TRPM7: variants seen among roughly 807,000 people sequenced by gnomAD.
TRPM7 encodes the protein transient receptor potential cation channel subfamily M member 7.
TRPM7 carries 134 observed loss-of-function variants against 229.7 expected under a neutral mutation model. The observed-to-expected ratio is 0.58, with a 90% CI of 0.51 to 0.67. The LOEUF is 0.67. Among genes scored for constraint, TRPM7 ranks in the 30% least tolerant of loss-of-function variants. The pLI is 0.00. For missense variants in TRPM7, 1,901 were observed against 2,210.0 expected (o/e 0.86, Z 2.80); for synonymous variants, 699 against 715.2 (o/e 0.98, Z 0.36).
chr15:50,649,272 A>G (rs2061351409), intron 3 of TRPM7, among the ~76,000 whole-genome samples: 1 of 152,078 alleles, frequency 6.6e-6, no homozygotes. Context: ...CCCTGACTTG[A>G]CAAAAAATTT....
At chr15:50,619,446 T>G (rs2060325593) in intron 13 of TRPM7, among the ~76,000 whole-genome samples, 1 of 147,916 alleles carries the variant, frequency 6.8e-6, no homozygotes, top group Non-Finnish European at 1.5e-5. Context: ...GGTCTTGAAC[T>G]CCTGGGCTCA....
chr15:50,585,058 T>A (rs1235774975), intron 28 of TRPM7, among the ~76,000 whole-genome samples: 1 of 140,448 alleles, frequency 7.1e-6, no homozygotes, highest in South Asian at 2.3e-4. Context: ...GTATTTTTTT[T>A]TTTTTTTTTT....
At position 50,592,540 on chromosome 15, in the gene TRPM7, A is replaced by G. The variant is rs2059532438; in HGVS notation, c.3695T>C (p.Ile1232Thr). ...GGCTGAAAGATCTTGCAAATGGCCA[A>G]TTTGAGAATCTAATGATTGTAATGA... is the stretch of plus-strand genomic sequence containing the variant. Reference protein sequence around the residue: ...KRSLQSLDSQIGHLQDLSALT... With the variant: ...KRSLQSLDSQTGHLQDLSALT... The change falls in exon 26 of 39, where the codon ATT becomes ACT. Residue 1232 changes from isoleucine to threonine, a missense_variant. Around this residue, in one of 8 missense-constraint regions of TRPM7, gnomAD observed 533 missense variants for 497.1 expected, o/e 1.07. Transcript: ENST00000646667. 4 of 1,613,080 alleles carry G rather than the reference A, an allele frequency of 2.5e-6. No individual in the cohort carries two copies. In the Admixed American group the frequency reaches 5.0e-5, roughly 20 times the overall value.
chr15:50,568,438 C>T (rs1191299179), intron 38 of TRPM7, among the ~76,000 whole-genome samples: 2 of 151,966 alleles, frequency 1.3e-5, no homozygotes, highest in South Asian at 2.1e-4. Flanking sequence ...GGGACATATG[C>T]TCAAAAAAAT....
At chr15:50,674,923 G>T (rs545081493) in intron 1 of TRPM7, among the ~76,000 whole-genome samples, 1 of 152,124 alleles carries the variant, frequency 6.6e-6, no homozygotes, top group East Asian at 1.9e-4. Flanking sequence ...TTTCTCATTG[G>T]CAAATCCACC....
chr15:50,630,047 A>C (rs1240486756), intron 10 of TRPM7, among the ~76,000 whole-genome samples: 4 of 151,910 alleles, frequency 2.6e-5, no homozygotes, highest in African/African-American at 9.7e-5. Flanking sequence ...TTGTTAGTAG[A>C]GACGAGGTTT....
intron 2 of TRPM7, among the ~76,000 whole-genome samples, chr15:50,661,243 G>C (rs1300437779): frequency 6.6e-6 from 1 of 152,044 alleles, no homozygotes; most frequent in African/African-American, 2.4e-5. Context: ...CCAAAGTGCT[G>C]GGATTACAGG....
intron 22 of TRPM7, among the ~76,000 whole-genome samples, chr15:50,597,193 CT>C (rs1304513998): frequency 3.9e-5 from 6 of 152,060 alleles, no homozygotes; most frequent in Non-Finnish European, 8.8e-5. Flanking sequence ...TTCATTACCC[CT>C]AACTGAAAAA....
chr15:50,686,238 G>A (rs1242402757), intron 1 of TRPM7, among the ~76,000 whole-genome samples: 1 of 152,258 alleles, frequency 6.6e-6, no homozygotes, highest in East Asian at 1.9e-4. Flanking sequence ...GCCCAGCCAG[G>A]TAGTCCCGGG....
intron 5 of TRPM7, among the ~76,000 whole-genome samples, 185 bp from the exon 6 acceptor site, chr15:50,639,733 ATTTTTT>A (rs553888440): frequency 2.1e-5 from 3 of 140,176 alleles, no homozygotes; most frequent in South Asian, 2.3e-4. Context: ...CAGCCGGCTA[ATTTTTT>A]TTTTTTTTTT....
chr15:50,661,337 CTGAA>C (rs1292031815), intron 2 of TRPM7, among the ~76,000 whole-genome samples: 2 of 152,094 alleles, frequency 1.3e-5, no homozygotes, highest in Non-Finnish European at 2.9e-5. Context: ...TGCATATAGA[CTGAA>C]TGTAGCACTA....
At chr15:50,644,797 CAAAAAAA>C (rs201997665) in intron 4 of TRPM7, among the ~76,000 whole-genome samples, 10 of 64,836 alleles carry the variant, frequency 1.5e-4, no homozygotes, top group Admixed American at 4.6e-4. Context: ...AACTGCGTCT[CAAAAAAA>C]AAAAAAAAAA....
At position 50,596,243 on chromosome 15, in the gene TRPM7, CA is replaced by C; in HGVS notation, c.3290+11del. On this transcript the variant is annotated intron_variant, in intron 23 of 38. Coordinates refer to ENST00000646667, the MANE Select transcript of TRPM7 (RefSeq NM_017672.6). ...AATCATCTTATAACAAACAATTGAA[CA>C]AAATTCTTACTTGAAAAATGCAATA... is the stretch of plus-strand genomic sequence containing the variant. 6.8e-7 allele frequency: 1 copy of C among 1,472,394 alleles called. No individual in the cohort carries two copies. The highest frequency in any genetic ancestry group is 9.1e-7 in the Non-Finnish European group (1 of 1,096,714). The allele number at this position is 1,472,394 out of a possible 1,614,324, so 91.2% of individuals were successfully genotyped here.
intron 1 of TRPM7, among the ~76,000 whole-genome samples, chr15:50,681,925 TA>T (rs2062246955): frequency 1.3e-5 from 2 of 152,132 alleles, no homozygotes; most frequent in Non-Finnish European, 2.9e-5. Flanking sequence ...CTCACGCCTG[TA>T]ATCCCAGCAC....
Position 50,574,309 on chromosome 15 carries a change from T to C in TRPM7, c.5273A>G (p.Tyr1758Cys). Residue 1758 changes from tyrosine (Y) to cysteine (C), a missense_variant, in exon 36 of 39, where the codon TAT (tyrosine) becomes TGT (cysteine). Coordinates refer to ENST00000646667, the MANE Select transcript of TRPM7 (RefSeq NM_017672.6). ...AAGTACCAGTAACTCCCCTCTTGTA[T>C]ATTCGTAAGTCCAGTGGCTAAAGGC... is the stretch of plus-strand genomic sequence containing the variant. ...MLAFSHWTYEYTRGELLVLDL... is the reference protein window; with the variant it reads ...MLAFSHWTYECTRGELLVLDL... The C allele has an allele frequency of 6.8e-6, 11 of 1,614,020 alleles. No individual in the cohort carries two copies. Among genetic ancestry groups the C allele is most frequent in the South Asian group, 1.1e-5 (1 of 91,074 alleles).
At chr15:50,622,616 T>C (rs1354444507) in intron 12 of TRPM7, among the ~76,000 whole-genome samples, 1 of 152,252 alleles carries the variant, frequency 6.6e-6, no homozygotes, top group Non-Finnish European at 1.5e-5. Context: ...CTGGGCCCAG[T>C]GGCTCACGCC....
At chr15:50,616,638 G>GC (rs1488317529) in intron 13 of TRPM7, among the ~76,000 whole-genome samples, 2 of 152,008 alleles carry the variant, frequency 1.3e-5, no homozygotes, top group East Asian at 3.8e-4. Context: ...TTAGACTGTG[G>GC]CAATGGTTGT....
intron 1 of TRPM7, among the ~76,000 whole-genome samples, chr15:50,669,705 T>A (rs1285467241): frequency 2.6e-5 from 4 of 152,138 alleles, no homozygotes; most frequent in Non-Finnish European, 5.9e-5. Flanking sequence ...TCATCAGTTG[T>A]TTGAGTTTTT....
rs527754174 is a variant in TRPM7, at chr15:50,683,495, G to T, written c.3+3036C>A. Among the ~76,000 whole-genome samples the T allele has an allele frequency of 3.9e-5, 6 of 152,044 alleles. No homozygotes were observed. The East Asian group carries it at 1.2e-3, about 29-fold the overall frequency. ...CACGCCTGTAATCCCAACACTTTGGGAGGCCGAGGCGGGTGGATCACCTGG... is the reference window on the plus strand; with the variant it reads ...CACGCCTGTAATCCCAACACTTTGGTAGGCCGAGGCGGGTGGATCACCTGG... On this transcript the variant is annotated intron_variant, in intron 1 of 38. Transcript: ENST00000646667.
Sources: allele counts gnomAD v4.1 joint callset (sites outside exome capture counted in the v4.1 genomes callset), GRCh38; gene constraint gnomAD v4.1.1; regional missense constraint gnomAD v4.1.1; transcripts MANE v1.5; gene names NCBI Gene and HGNC (gene_info 2026-07-23, HGNC 2026-07-21).